RASL11A: variants seen among roughly 807,000 people sequenced by gnomAD.
RASL11A encodes the protein RAS like family 11 member A.
In RASL11A, 14 loss-of-function variants were observed where a neutral mutation model predicts 17.1. The ratio of observed to expected loss-of-function variants is 0.82; its 90% CI spans 0.54 to 1.28. The LOEUF is 1.28. RASL11A is among the 50% of genes most tolerant of loss of function. RASL11A has a pLI of 0.00. For synonymous variants in RASL11A, 146 were observed against 132.5 expected (o/e 1.10, Z -0.70); for missense variants, 283 against 312.3 (o/e 0.91, Z 0.71).
In RASL11A at chr13:27,274,657, A is replaced by AAG. The variant is rs1882426429; in HGVS notation, c.*1163_*1164insAG. ...AAAACCCAAGTCACATGCTATATTC[A>AAG]GCTCTGAAATGCCTTCTCTGGTCTT... On this transcript the variant is annotated 3_prime_UTR_variant, in exon 4 of 4. Coordinates refer to ENST00000241463, the MANE Select transcript of RASL11A (RefSeq NM_206827.2). Among the ~76,000 whole-genome samples, 3 of 152,202 alleles carry AAG rather than the reference A, an allele frequency of 2.0e-5. No homozygotes were observed. The highest frequency in any genetic ancestry group is 4.4e-5 in the Non-Finnish European group (3 of 68,040).
In RASL11A at chr13:27,271,543, GAGAAT is replaced by G; in HGVS notation, c.181+5_181+9del. ...TGGAGACTATGAACCGAATACAGGT[GAGAAT>G]ACTTTCACGCTCCCTGCTTTTATGC... On this transcript the variant is annotated splice_donor_5th_base_variant and intron_variant, in intron 2 of 3. Transcript: ENST00000241463. 1 of 1,614,132 alleles carries G rather than the reference GAGAAT, an allele frequency of 6.2e-7. No homozygotes were observed. The highest frequency in any genetic ancestry group is 8.5e-7 in the Non-Finnish European group (1 of 1,179,932).
chr13:27,274,094 A>T lies in RASL11A; in HGVS notation c.*600A>T, dbSNP rs1344240674. ...TGCAAGTTTATACTCTACCCATATT[A>T]AAAAACAACCCCTTTTCTAGTATTC... On this transcript the variant is annotated 3_prime_UTR_variant, in exon 4 of 4. Coordinates refer to ENST00000241463, the MANE Select transcript of RASL11A (RefSeq NM_206827.2). Among the ~76,000 whole-genome samples the T allele has an allele frequency of 6.6e-6, 1 of 152,128 alleles. No individual in the cohort carries two copies. Among genetic ancestry groups the T allele is most frequent in the Non-Finnish European group, 1.5e-5 (1 of 68,006 alleles).
At chr13:27,272,324 G>A (rs886312158) in intron 3 of RASL11A, among the ~76,000 whole-genome samples, 3 of 152,126 alleles carry the variant, frequency 2.0e-5, no homozygotes, top group African/African-American at 7.2e-5. Flanking sequence ...GTAGAGATGG[G>A]GTTTCACTAT....
At position 27,270,857 on chromosome 13, in the gene RASL11A, A is replaced by G. The variant is rs532580298; in HGVS notation, c.-88A>G. Reference sequence around the variant, plus strand: ...GCAGCCGCCGCGGTCCCGGACCTCTAGTCCCGCACTCCCAGCTGGCGAGCC... The same window carrying G: ...GCAGCCGCCGCGGTCCCGGACCTCTGGTCCCGCACTCCCAGCTGGCGAGCC... On this transcript the variant is annotated 5_prime_UTR_variant, in exon 1 of 4. Transcript: ENST00000241463. The G allele has an allele frequency of 2.0e-6, 3 of 1,503,202 alleles. No homozygotes were observed. Among genetic ancestry groups the G allele is most frequent in the East Asian group, 2.5e-5 (1 of 39,394 alleles). The allele number at this position is 1,503,202 out of a possible 1,614,324, so 93.1% of individuals were successfully genotyped here. A position where few individuals can be genotyped will look rare whatever the true frequency, so the allele number is the denominator to read the frequency against.
rs866242131 is a variant in RASL11A at position 27,273,720 on chromosome 13, T to A, written c.*226T>A. On this transcript the variant is annotated 3_prime_UTR_variant, in exon 4 of 4. Transcript: ENST00000241463. ...TTTTTTTTTTTTTTTTTTTTTTTTT[T>A]ACTGTAACTGCTGGCCACTTTTCCA... 1,422 of 342,326 alleles carry A rather than the reference T, an allele frequency of 4.2e-3. 32 individuals carry two copies. The highest frequency in any genetic ancestry group is 0.034 in the African/African-American group (1,261 of 37,234). The allele number at this position is 342,326 out of a possible 1,614,324, so 21.2% of individuals were successfully genotyped here.
At position 27,273,912 on chromosome 13, in the gene RASL11A, A is replaced by G. The variant is rs540801036; in HGVS notation, c.*418A>G. ...GTAGAGGGAGTCTGTTGTGGGAGAAAGGAAAGTATGTGGAGGAGGAGAGGG... is the reference window on the plus strand; with the variant it reads ...GTAGAGGGAGTCTGTTGTGGGAGAAGGGAAAGTATGTGGAGGAGGAGAGGG... On this transcript the variant is annotated 3_prime_UTR_variant, in exon 4 of 4. Transcript: ENST00000241463. 3.3e-3 allele frequency among the ~76,000 whole-genome samples: 501 copies of G among 152,038 alleles called. 2 individuals are homozygous for G. Among genetic ancestry groups the G allele is most frequent in the African/African-American group, 0.011 (463 of 41,454 alleles).
chr13:27,271,203 G>C (rs9507867), intron 1 of RASL11A, 135 bp downstream of exon 1: 560,356 of 1,455,352 alleles, frequency 0.39, 113,433 homozygotes, highest in African/African-American at 0.64. Flanking sequence ...CTTTCGCGCT[G>C]GGTGGGTCCC....
rs1052031923 is a variant in RASL11A at position 27,273,405 on chromosome 13, C to G, written c.640C>G (p.Arg214Gly). ...GERRRASIIP[R>G]PRSPNMQDLK... ...AAGAAGAAGAGCCTCCATCATCCCT[C>G]GGCCCCGCTCTCCCAACATGCAGGA... is the stretch of plus-strand genomic sequence containing the variant. Residue 214 changes from arginine (R) to glycine (G), a missense_variant, in exon 4 of 4, where the codon CGG (arginine) becomes GGG (glycine). Coordinates refer to ENST00000241463, the MANE Select transcript of RASL11A (RefSeq NM_206827.2). The G allele has an allele frequency of 6.2e-7, 1 of 1,614,072 alleles. No homozygotes were observed. The highest frequency in any genetic ancestry group is 1.7e-5 in the Admixed American group (1 of 60,006).
At chr13:27,271,359 C>G (rs1265669937) in intron 1 of RASL11A, 125 bp from the exon 2 acceptor site, 1 of 1,525,092 alleles carries the variant, frequency 6.6e-7, no homozygotes, top group Non-Finnish European at 8.9e-7. Flanking sequence ...CACGGCTTTG[C>G]GGAGCCTCTG....
Position 27,271,000 on chromosome 13 carries a change from C to G in RASL11A, c.56C>G (p.Ser19Cys). The G allele has an allele frequency of 6.3e-7, 1 of 1,593,448 alleles. No homozygotes were observed. Among genetic ancestry groups the G allele is most frequent in the East Asian group, 2.3e-5 (1 of 43,750 alleles). ...HFLLAPIPES[S>C]SDYLLPKDIK... The stretch of plus-strand genomic sequence containing the variant: ...CTGCTCGCACCCATCCCCGAGTCCT[C>G]CTCGGACTACCTACTGCCCAAGGAC... Residue 19 changes from serine (S) to cysteine (C), a missense_variant, in exon 1 of 4, where the codon TCC (serine) becomes TGC (cysteine). Physicochemically the swap from Ser to Cys is moderately radical, Grantham distance 112. Coordinates refer to ENST00000241463, the MANE Select transcript of RASL11A (RefSeq NM_206827.2).
chr13:27,270,935 G>C lies in RASL11A; in HGVS notation c.-10G>C. 1 of 1,585,276 alleles carries C rather than the reference G, an allele frequency of 6.3e-7. No homozygotes were observed. The highest frequency in any genetic ancestry group is 8.6e-7 in the Non-Finnish European group (1 of 1,166,724). ...TCTCGGATTGCGCGCCGGACCCCGG[G>C]ACGCGCTCCATGCGGCCGCTCAGCA... On this transcript the variant is annotated 5_prime_UTR_variant, in exon 1 of 4. Coordinates refer to ENST00000241463, the MANE Select transcript of RASL11A (RefSeq NM_206827.2).
rs1473434611 is a variant in RASL11A, at chr13:27,274,351, AAACT to A, written c.*861_*864del. 6.6e-6 allele frequency among the ~76,000 whole-genome samples: 1 copy of A among 152,106 alleles called. No individual in the cohort carries two copies. Among genetic ancestry groups the A allele is most frequent in the African/African-American group, 2.4e-5 (1 of 41,412 alleles). ...TCTTCACATCAGAACAATGCTACTAAAACTAACCCTAATCATTTTATTTCTATAA... is the reference window on the plus strand; with the variant it reads ...TCTTCACATCAGAACAATGCTACTAAAACCCTAATCATTTTATTTCTATAA... On this transcript the variant is annotated 3_prime_UTR_variant, in exon 4 of 4. Transcript: ENST00000241463.
chr13:27,272,354 A>C (rs947629631), intron 3 of RASL11A, among the ~76,000 whole-genome samples: 1 of 152,190 alleles, frequency 6.6e-6, no homozygotes, highest in Non-Finnish European at 1.5e-5. Context: ...GCTGGTCTCG[A>C]ACTCCTGACC....
chr13:27,273,557 C>G lies in RASL11A; in HGVS notation c.*63C>G. The stretch of plus-strand genomic sequence containing the variant: ...TTTGTGCAGCTAAAAGACTGGGCTT[C>G]TCGCTTTTTAATCACACATTCAGAG... On this transcript the variant is annotated 3_prime_UTR_variant, in exon 4 of 4. Coordinates refer to ENST00000241463, the MANE Select transcript of RASL11A (RefSeq NM_206827.2). 1.6e-6 allele frequency: 2 copies of G among 1,286,700 alleles called. No homozygotes were observed. Among genetic ancestry groups the G allele is most frequent in the Middle Eastern group, 2.6e-4 (1 of 3,852 alleles). The allele number at this position is 1,286,700 out of a possible 1,614,324, so 79.7% of individuals were successfully genotyped here. A position where few individuals can be genotyped will look rare whatever the true frequency, so the allele number is the denominator to read the frequency against.
At position 27,273,689 on chromosome 13, in the gene RASL11A, ACTTTTTT is replaced by A; in HGVS notation, c.*196_*202del. ...AATTTTGTTTTGTTTTATTAAAAGA[ACTTTTTT>A]TTTTTTTTTTTTTTTTTTTTTTTTA... On this transcript the variant is annotated 3_prime_UTR_variant, in exon 4 of 4. Transcript: ENST00000241463. The A allele has an allele frequency of 7.7e-6, 2 of 261,148 alleles. No homozygotes were observed. Among genetic ancestry groups the A allele is most frequent in the Non-Finnish European group, 1.4e-5 (2 of 146,320 alleles). 16.2% of individuals were successfully genotyped at this position (261,148 alleles called of 1,614,324 possible). A position where few individuals can be genotyped will look rare whatever the true frequency, so the allele number is the denominator to read the frequency against.
intron 3 of RASL11A, 22 bp downstream of exon 3, chr13:27,271,740 C>T (rs961573621): frequency 6.3e-6 from 10 of 1,588,696 alleles, no homozygotes; most frequent in Non-Finnish European, 6.9e-6. Context: ...CAGGGGCAAA[C>T]AGCTCACCCC....
At chr13:27,271,797 C>CA in intron 3 of RASL11A, 79 bp downstream of exon 3, 1 of 1,214,496 alleles carries the variant, frequency 8.2e-7, no homozygotes, top group Non-Finnish European at 1.2e-6. Flanking sequence ...GGCGCCCATG[C>CA]TGGGCGCAGG....
In RASL11A at chr13:27,270,982, C is replaced by A; in HGVS notation, c.38C>A (p.Ala13Glu). ...AGCATGTCCGGGCACTTTCTGCTCG[C>A]ACCCATCCCCGAGTCCTCCTCGGAC... ...PLSMSGHFLLAPIPESSSDYL... is the reference protein window; with the variant it reads ...PLSMSGHFLLEPIPESSSDYL... The change falls in exon 1 of 4, where the codon GCA becomes GAA. Residue 13 changes from alanine (A) to glutamate (E), a missense_variant. Physicochemically the swap from Ala to Glu is moderately radical, Grantham distance 107. Transcript: ENST00000241463. The A allele has an allele frequency of 1.3e-6, 2 of 1,596,920 alleles. No homozygotes were observed. Among genetic ancestry groups the A allele is most frequent in the Non-Finnish European group, 1.7e-6 (2 of 1,172,278 alleles).
rs1328248460 is a variant in RASL11A at position 27,274,031 on chromosome 13, A to G, written c.*537A>G. 6.6e-6 allele frequency among the ~76,000 whole-genome samples: 1 copy of G among 152,150 alleles called. No homozygotes were observed. The highest frequency in any genetic ancestry group is 1.5e-5 in the Non-Finnish European group (1 of 68,024). On this transcript the variant is annotated 3_prime_UTR_variant, in exon 4 of 4. Coordinates refer to ENST00000241463, the MANE Select transcript of RASL11A (RefSeq NM_206827.2). The stretch of plus-strand genomic sequence containing the variant: ...TTTCAAGGGAAGGGGTACAATGCTA[A>G]AACGTTACAAGCCATGAGTAACATT...
Sources: allele counts gnomAD v4.1 joint callset (sites outside exome capture counted in the v4.1 genomes callset), GRCh38; gene constraint gnomAD v4.1.1; transcripts MANE v1.5; gene names NCBI Gene and HGNC (gene_info 2026-07-23, HGNC 2026-07-21).